CYTH3: variants seen among roughly 807,000 people sequenced by gnomAD.
The protein encoded by CYTH3 is cytohesin-3.
CYTH3 carries 23 observed loss-of-function variants against 55.1 expected under a neutral mutation model. The observed-to-expected ratio is 0.42, with a 90% confidence interval of 0.30 to 0.59. The LOEUF (loss-of-function observed/expected upper bound fraction) is 0.59, where lower values mean the gene tolerates loss of function less well. Ranked by LOEUF, CYTH3 falls within the 20% of genes least tolerant of loss-of-function variation. The probability of loss-of-function intolerance (pLI) is 0.20; values close to 1 mark genes in which losing one functional copy is unlikely to be tolerated. For synonymous variants in CYTH3, 249 were observed against 194.9 expected, an observed-to-expected ratio of 1.28 and a Z score of -2.31; for missense variants, 413 against 524.8, an observed-to-expected ratio of 0.79 and a Z score of 2.08.
At position 6,185,982 on chromosome 7, in the gene CYTH3, C is replaced by T. The variant is rs538183576; in HGVS notation, c.249+1068G>A. 7.5e-4 allele frequency among the ~76,000 whole-genome samples: 114 copies of T among 151,944 alleles called. 4 individuals carry two copies. Among genetic ancestry groups the T allele is most frequent in the African/African-American group, 2.6e-3 (106 of 41,358 alleles). ...CGACTGGGCCAGGCACGGTGGCTCACGCACATAATCCCAGCACTTTGGGAG... is the reference window on the plus strand; with the variant it reads ...CGACTGGGCCAGGCACGGTGGCTCATGCACATAATCCCAGCACTTTGGGAG... On this transcript the variant is annotated intron_variant, in intron 4 of 12. Coordinates refer to ENST00000350796, the MANE Select transcript of CYTH3 (RefSeq NM_004227.4).
chr7:6,224,470 C>T (rs1425170989), intron 1 of CYTH3, among the ~76,000 whole-genome samples: 1 of 152,204 alleles, frequency 6.6e-6, no homozygotes, highest in Non-Finnish European at 1.5e-5. Flanking sequence ...AGACCCCTAC[C>T]TTATGCCATA....
At chr7:6,173,447 C>T (rs939181780) in intron 6 of CYTH3, among the ~76,000 whole-genome samples, 2 of 152,226 alleles carry the variant, frequency 1.3e-5, no homozygotes, top group South Asian at 2.1e-4. Context: ...GAAAGCACGG[C>T]CCTTATCTTA....
intron 1 of CYTH3, among the ~76,000 whole-genome samples, chr7:6,214,851 C>T (rs1176007482): frequency 6.6e-6 from 1 of 152,056 alleles, no homozygotes; most frequent in Admixed American, 6.6e-5. Context: ...CTGTGAAAGG[C>T]TGTGGCTCCT....
At chr7:6,182,797 G>A (rs933196312) in intron 4 of CYTH3, among the ~76,000 whole-genome samples, 4 of 152,020 alleles carry the variant, frequency 2.6e-5, no homozygotes, top group East Asian at 1.9e-4. Flanking sequence ...GGCATGAGCC[G>A]CCCTCCCCGC....
At chr7:6,190,345 GGTT>G in intron 2 of CYTH3, 101 bp downstream of exon 2, 1 of 876,184 alleles carries the variant, frequency 1.1e-6, no homozygotes, top group Non-Finnish European at 1.6e-6. Context: ...TTTGTTTTTG[GGTT>G]TTTTTTTTTT....
chr7:6,187,535 T>C (rs17495860), intron 3 of CYTH3, 122 bp downstream of exon 3: 77,876 of 870,516 alleles, frequency 0.089, 4,493 homozygotes, highest in Non-Finnish European at 0.12. Context: ...GGAGAGGAAT[T>C]AACAACTCCA....
chr7:6,186,008 G>T (rs1051434669), intron 4 of CYTH3, among the ~76,000 whole-genome samples: 34 of 151,870 alleles, frequency 2.2e-4, no homozygotes, highest in Non-Finnish European at 4.9e-4. Flanking sequence ...ACTTTGGGAG[G>T]CCGAGGCGGG....
At chr7:6,195,273 A>C (rs1288295419) in intron 1 of CYTH3, among the ~76,000 whole-genome samples, 1 of 152,194 alleles carries the variant, frequency 6.6e-6, no homozygotes, top group East Asian at 1.9e-4. Context: ...ATGGCAAAGC[A>C]AAAAAATTTT....
chr7:6,239,937 A>T (rs1779630733), intron 1 of CYTH3, among the ~76,000 whole-genome samples: 1 of 152,228 alleles, frequency 6.6e-6, no homozygotes, highest in South Asian at 2.1e-4. Flanking sequence ...CTAATTCATA[A>T]ATTTAACGTA....
intron 1 of CYTH3, among the ~76,000 whole-genome samples, chr7:6,208,902 T>C (rs1333186458): frequency 1.3e-5 from 2 of 152,222 alleles, no homozygotes; most frequent in Non-Finnish European, 2.9e-5. Flanking sequence ...TGGAGGTAAT[T>C]GTCTAAAATA....
intron 1 of CYTH3, among the ~76,000 whole-genome samples, chr7:6,205,875 T>TAAAA (rs370194149): frequency 3.2e-4 from 9 of 28,090 alleles, no homozygotes; most frequent in East Asian, 1.8e-3. Flanking sequence ...TCCTATCTCT[T>TAAAA]AAAAAAAAAA....
rs1285804435 is a variant in CYTH3 at position 6,163,029 on chromosome 7, A to T, written c.*1915T>A. On this transcript the variant is annotated 3_prime_UTR_variant, in exon 13 of 13. Coordinates refer to ENST00000350796, the MANE Select transcript of CYTH3 (RefSeq NM_004227.4). ...AGAGTTGCATATCTACCAGTCAGGCATTTCAAGAACGCTGACTTGCCTTTC... is the reference window on the plus strand; with the variant it reads ...AGAGTTGCATATCTACCAGTCAGGCTTTTCAAGAACGCTGACTTGCCTTTC... 1 of 152,720 alleles carries T rather than the reference A, an allele frequency of 6.5e-6. No homozygotes were observed. The highest frequency in any genetic ancestry group is 1.5e-5 in the Non-Finnish European group (1 of 68,060). 9.5% of individuals were successfully genotyped at this position (152,720 alleles called of 1,614,324 possible). A position where few individuals can be genotyped will look rare whatever the true frequency, so the allele number is the denominator to read the frequency against.
intron 1 of CYTH3, among the ~76,000 whole-genome samples, chr7:6,263,946 T>A (rs1780419654): frequency 6.7e-6 from 1 of 148,636 alleles, no homozygotes; most frequent in South Asian, 2.1e-4. Flanking sequence ...GGCTTTATAA[T>A]CTTTTTAAAA....
intron 1 of CYTH3, among the ~76,000 whole-genome samples, chr7:6,241,034 A>C (rs1306930118): frequency 6.6e-6 from 1 of 152,106 alleles, no homozygotes; most frequent in African/African-American, 2.4e-5. Context: ...AGGCTGGAGA[A>C]TCGCTTGAAC....
At chr7:6,176,433 TTG>T (rs1253477164) in intron 5 of CYTH3, among the ~76,000 whole-genome samples, 5 of 151,672 alleles carry the variant, frequency 3.3e-5, no homozygotes, top group South Asian at 2.1e-4. Context: ...AGCCAATTTT[TTG>T]TGTTTTTAGT....
intron 1 of CYTH3, among the ~76,000 whole-genome samples, chr7:6,259,765 A>G (rs1780249338): frequency 4.0e-5 from 1 of 24,966 alleles, no homozygotes; most frequent in Admixed American, 7.0e-4. Flanking sequence ...TATTATATAT[A>G]TATATATTAT....
intron 1 of CYTH3, among the ~76,000 whole-genome samples, chr7:6,266,916 T>C (rs556046122): frequency 2.0e-5 from 3 of 152,344 alleles, no homozygotes; most frequent in African/African-American, 7.2e-5. Context: ...AGTTTGGATA[T>C]ATGCCCCGCC....
intron 1 of CYTH3, among the ~76,000 whole-genome samples, chr7:6,210,828 C>T (rs1459972562): frequency 6.6e-6 from 1 of 152,138 alleles, no homozygotes; most frequent in Non-Finnish European, 1.5e-5. Flanking sequence ...AACAGTTGGG[C>T]ATATTGCCTT....
intron 1 of CYTH3, among the ~76,000 whole-genome samples, chr7:6,237,350 T>C (rs970665199): frequency 6.6e-6 from 1 of 152,220 alleles, no homozygotes; most frequent in Admixed American, 6.5e-5. Flanking sequence ...ATAAATCTAC[T>C]ACACTGACGA....
Sources: gnomAD v4.1 joint callset for allele counts (sites outside exome capture counted in the v4.1 genomes callset) on GRCh38, gnomAD v4.1.1 for gene constraint, MANE v1.5 for transcripts, NCBI Gene and HGNC (gene_info 2026-07-23, HGNC 2026-07-21) for gene names.